SMURF2: variants seen among roughly 807,000 people sequenced by gnomAD.
The protein encoded by SMURF2 is E3 ubiquitin-protein ligase SMURF2.
Under a neutral mutation model 109.6 loss-of-function variants are expected in SMURF2, and 48 were observed. That is an observed-to-expected ratio of 0.44 (90% CI 0.35 to 0.56). The LOEUF (loss-of-function observed/expected upper bound fraction) is 0.56, where lower values mean the gene tolerates loss of function less well. Among genes scored for constraint, SMURF2 ranks in the 20% least tolerant of loss-of-function variants. SMURF2 has a pLI of 0.01. For missense variants in SMURF2, 575 were observed against 909.0 expected, an observed-to-expected ratio of 0.63 and a Z score of 4.72; for synonymous variants, 288 against 317.1, an observed-to-expected ratio of 0.91 and a Z score of 0.97.
At chr17:64,604,684 G>A (rs1969945131) in intron 2 of SMURF2, among the ~76,000 whole-genome samples, 1 of 152,148 alleles carries the variant, frequency 6.6e-6, no homozygotes, top group East Asian at 1.9e-4. Flanking sequence ...GATGGTTCAT[G>A]TCTATAATCC....
At chr17:64,648,704 CAAGGCTATAGTG>C (rs1425540030) in intron 1 of SMURF2, among the ~76,000 whole-genome samples, 1 of 152,042 alleles carries the variant, frequency 6.6e-6, no homozygotes, top group Non-Finnish European at 1.5e-5. Flanking sequence ...CCCAGGTGGT[CAAGGCTATAGTG>C]AGCCATAAGC....
In SMURF2 at chr17:64,583,462, G is replaced by C. The variant is rs781786195; in HGVS notation, c.568C>G (p.Arg190Gly). 1.9e-6 allele frequency: 3 copies of C among 1,611,472 alleles called. No individual in the cohort carries two copies. Among genetic ancestry groups the C allele is most frequent in the Non-Finnish European group, 2.5e-6 (3 of 1,177,582 alleles). Residue 190 changes from arginine to glycine, a missense_variant and splice_region_variant, in exon 7 of 19, where the codon CGA (arginine) becomes GGA (glycine). Physicochemically the swap from Arg to Gly is moderately radical, Grantham distance 125. Transcript: ENST00000262435. Reference protein sequence around the residue: ...TRTTQWERPTRPASEYSSPGR... With the variant: ...TRTTQWERPTGPASEYSSPGR... ...GAGAAAATATTTGTATGTTCTTACC[G>C]TGTTGGGCGCTCCCATTGCGTAGTT...
chr17:64,562,986 T>G lies in SMURF2; in HGVS notation c.1017-20A>C, dbSNP rs1376339756. On this transcript the variant is annotated intron_variant, in intron 10 of 18. Transcript: ENST00000262435. Reference sequence around the variant, plus strand: ...TGCCGACTAGAAGTAAACATAGATGTTATTATTAAAGTATATCAAATTTTA... The same window carrying G: ...TGCCGACTAGAAGTAAACATAGATGGTATTATTAAAGTATATCAAATTTTA... 7.6e-6 allele frequency: 12 copies of G among 1,577,670 alleles called. No individual in the cohort carries two copies. Among genetic ancestry groups the G allele is most frequent in the Non-Finnish European group, 9.5e-6 (11 of 1,160,612 alleles).
Position 64,661,855 on chromosome 17 carries a change from T to C in SMURF2, c.26A>G (p.Asn9Ser), listed in dbSNP as rs1443546338. MSNPGGRR[N>S]GPVKLRLTVL... ...TGTCAGGCGCAGCTTGACGGGCCCG[T>C]TCCTCCGGCCTCCGGGGTTAGACAT... The change falls in exon 1 of 19, where the codon AAC (asparagine) becomes AGC (serine). Residue 9 changes from asparagine (N) to serine (S), a missense_variant. Transcript: ENST00000262435. 2 of 1,196,568 alleles carry C rather than the reference T, an allele frequency of 1.7e-6. No individual in the cohort carries two copies. Among genetic ancestry groups the C allele is most frequent in the East Asian group, 3.5e-5 (1 of 28,774 alleles). 74.1% of individuals were successfully genotyped at this position (1,196,568 alleles called of 1,614,324 possible).
In SMURF2 at chr17:64,574,373, T is replaced by C. The variant is rs574011947; in HGVS notation, c.858-2417A>G. Among the ~76,000 whole-genome samples the C allele has an allele frequency of 3.9e-5, 6 of 152,334 alleles. No homozygotes were observed. In the East Asian group the frequency reaches 7.7e-4, roughly 20 times the overall value. ...ATCTGTATTTCAAGACTACAGTCACTCAGTATGCAATATAACAAATAACAA... is the reference window on the plus strand; with the variant it reads ...ATCTGTATTTCAAGACTACAGTCACCCAGTATGCAATATAACAAATAACAA... On this transcript the variant is annotated intron_variant, in intron 9 of 18. Coordinates refer to ENST00000262435, the MANE Select transcript of SMURF2 (RefSeq NM_022739.4).
At chr17:64,612,146 G>A (rs782566233) in intron 1 of SMURF2, among the ~76,000 whole-genome samples, 12 of 151,982 alleles carry the variant, frequency 7.9e-5, no homozygotes, top group South Asian at 2.1e-4. Context: ...TACTGTTCTC[G>A]TTTAAGTTTG....
chr17:64,646,573 G>A (rs1970562647), intron 1 of SMURF2, among the ~76,000 whole-genome samples: 1 of 150,982 alleles, frequency 6.6e-6, no homozygotes, highest in South Asian at 2.1e-4. Context: ...TGTAGAGATG[G>A]AGTTTCACCA....
intron 10 of SMURF2, among the ~76,000 whole-genome samples, chr17:64,566,561 G>GTTTTTTTTTTTATTTTTTTTTTTTTTTTT (rs1969306803): frequency 2.3e-5 from 1 of 43,784 alleles, no homozygotes; most frequent in Non-Finnish European, 4.2e-5. Context: ...AAGCTTTCTG[G>GTTTTTTTTTTTATTTTTTTTTTTTTTTTT]TTTTTTTTTT....
intron 1 of SMURF2, among the ~76,000 whole-genome samples, chr17:64,660,517 A>C (rs1970761688): frequency 6.6e-6 from 1 of 152,246 alleles, no homozygotes; most frequent in African/African-American, 2.4e-5. Flanking sequence ...TATATTATTT[A>C]AATTGCAGCC....
chr17:64,637,235 TC>T (rs1345438158), intron 1 of SMURF2, among the ~76,000 whole-genome samples: 3 of 151,676 alleles, frequency 2.0e-5, no homozygotes, highest in Non-Finnish European at 4.4e-5. Context: ...CAAGCGATTC[TC>T]TTGCCTCAGC....
chr17:64,585,529 G>A (rs1969640779), intron 6 of SMURF2, among the ~76,000 whole-genome samples: 1 of 152,088 alleles, frequency 6.6e-6, no homozygotes, highest in Non-Finnish European at 1.5e-5. Flanking sequence ...ATAAATTAAG[G>A]TCATAAAGCC....
At chr17:64,569,988 C>T (rs1039061338) in intron 10 of SMURF2, among the ~76,000 whole-genome samples, 3 of 152,092 alleles carry the variant, frequency 2.0e-5, no homozygotes, top group East Asian at 2.0e-4. Context: ...TACTTGCGAC[C>T]TTCATTTGTA....
intron 1 of SMURF2, among the ~76,000 whole-genome samples, chr17:64,629,696 T>C (rs973114244): frequency 6.6e-6 from 1 of 152,280 alleles, no homozygotes; most frequent in Middle Eastern, 3.4e-3. Context: ...CTTTAATGGA[T>C]TAAAACCAGA....
At chr17:64,566,561 G>GTTTGGTTTT (rs1969305868) in intron 10 of SMURF2, among the ~76,000 whole-genome samples, 3 of 43,784 alleles carry the variant, frequency 6.9e-5, no homozygotes, top group Admixed American at 4.2e-4. Context: ...AAGCTTTCTG[G>GTTTGGTTTT]TTTTTTTTTT....
intron 9 of SMURF2, among the ~76,000 whole-genome samples, chr17:64,574,940 T>A (rs1442068036): frequency 2.0e-5 from 3 of 152,142 alleles, no homozygotes; most frequent in Admixed American, 1.3e-4. Context: ...TTAAAAAAAA[T>A]GATCATTGTT....
intron 13 of SMURF2, among the ~76,000 whole-genome samples, chr17:64,556,443 TGAATTAGAATCAC>T (rs1969120831): frequency 1.3e-5 from 2 of 152,152 alleles, no homozygotes; most frequent in South Asian, 4.1e-4. Context: ...GTGTCAGACT[TGAATTAGAATCAC>T]GATTCTGCCA....
At chr17:64,657,857 G>A (rs1437963630) in intron 1 of SMURF2, among the ~76,000 whole-genome samples, 4 of 152,088 alleles carry the variant, frequency 2.6e-5, no homozygotes, top group Non-Finnish European at 4.4e-5. Context: ...AAGTAAAAGT[G>A]ATGACTAAAA....
intron 1 of SMURF2, among the ~76,000 whole-genome samples, chr17:64,617,379 G>A (rs1288415808): frequency 6.6e-6 from 1 of 152,130 alleles, no homozygotes; most frequent in African/African-American, 2.4e-5. Context: ...TAATTAGTAT[G>A]TTTGATGATG....
At chr17:64,633,879 G>T (rs1555691840) in intron 1 of SMURF2, among the ~76,000 whole-genome samples, 1 of 152,084 alleles carries the variant, frequency 6.6e-6, no homozygotes. Flanking sequence ...TATATAGGCT[G>T]AGTGTGGTGG....
Sources: gnomAD v4.1 joint callset for allele counts (sites outside exome capture counted in the v4.1 genomes callset) on GRCh38, gnomAD v4.1.1 for gene constraint, MANE v1.5 for transcripts, NCBI Gene and HGNC (gene_info 2026-07-23, HGNC 2026-07-21) for gene names.